ATP2C2: variants seen among roughly 807,000 people sequenced by gnomAD.
ATP2C2 encodes the protein ATPase secretory pathway Ca2+ transporting 2.
A neutral mutation model predicts 110.8 loss-of-function variants in ATP2C2; 171 were observed. That is an observed-to-expected ratio of 1.54 (90% CI 1.36 to 1.75). The LOEUF is 1.75. Ranked by LOEUF, ATP2C2 falls within the 40% of genes most tolerant of loss-of-function variation. ATP2C2 has a pLI of 0.00. For missense variants in ATP2C2, 1,963 were observed against 1,235.0 expected (o/e 1.59, Z -8.84); for synonymous variants, 804 against 508.4 (o/e 1.58, Z -7.82).
In ATP2C2 at chr16:84,461,735, A is replaced by C; in HGVS notation, c.2503A>C (p.Thr835Pro). The change falls in exon 25 of 27, where the codon ACT becomes CCT. Residue 835 changes from threonine (T) to proline (P), a missense_variant. Coordinates refer to ENST00000262429, the MANE Select transcript of ATP2C2 (RefSeq NM_014861.4). Reference sequence around the variant, plus strand: ...CCAGATGCCTGAAGACAGAGCAAGCACTCCCCGCACCACGACGATGACGTT... The same window carrying C: ...CCAGATGCCTGAAGACAGAGCAAGCCCTCCCCGCACCACGACGATGACGTT... Reference protein sequence around the residue: ...WKEMPEDRASTPRTTTMTFTC... With the variant: ...WKEMPEDRASPPRTTTMTFTC... The C allele has an allele frequency of 1.2e-6, 2 of 1,613,714 alleles. No homozygotes were observed. Among genetic ancestry groups the C allele is most frequent in the South Asian group, 1.1e-5 (1 of 91,056 alleles).
chr16:84,444,771 C>G (rs909472570), intron 15 of ATP2C2, among the ~76,000 whole-genome samples: 1 of 152,140 alleles, frequency 6.6e-6, no homozygotes, highest in Admixed American at 6.5e-5. Flanking sequence ...TTTCCTTTTT[C>G]CTGGGGCCTG....
In ATP2C2 at chr16:84,422,706, C is replaced by T. The variant is rs1415899217; in HGVS notation, c.843+9C>T. The T allele has an allele frequency of 8.1e-6, 13 of 1,601,658 alleles. No homozygotes were observed. The highest frequency in any genetic ancestry group is 5.4e-5 in the African/African-American group (4 of 74,014). Reference sequence around the variant, plus strand: ...TGATGCAGGCTGAAGAGGTAAGGGGCAGGAGGGGGCTTCGGGACTTTTGTA... The same window carrying T: ...TGATGCAGGCTGAAGAGGTAAGGGGTAGGAGGGGGCTTCGGGACTTTTGTA... On this transcript the variant is annotated intron_variant, in intron 9 of 26. Coordinates refer to ENST00000262429, the MANE Select transcript of ATP2C2 (RefSeq NM_014861.4).
chr16:84,416,102 AGGCGGAGGTTGCAGTGAGCC>A (rs1284851749), intron 7 of ATP2C2, among the ~76,000 whole-genome samples: 1 of 152,176 alleles, frequency 6.6e-6, no homozygotes, highest in African/African-American at 2.4e-5. Flanking sequence ...TGAACCCGGG[AGGCGGAGGTTGCAGTGAGCC>A]GAGACCACGC....
intron 2 of ATP2C2, among the ~76,000 whole-genome samples, 164 bp downstream of exon 2, chr16:84,398,773 A>G (rs1369484234): frequency 1.3e-5 from 2 of 152,248 alleles, no homozygotes; most frequent in Admixed American, 6.5e-5. Context: ...TTCCACAGGT[A>G]GAATATCAGT....
chr16:84,396,149 G>A (rs943428573), intron 1 of ATP2C2, among the ~76,000 whole-genome samples: 71 of 152,084 alleles, frequency 4.7e-4, no homozygotes, highest in African/African-American at 1.5e-3. Flanking sequence ...TGGGTTTTGG[G>A]CAGTCACATT....
In ATP2C2 at chr16:84,446,436, A is replaced by T. The variant is rs773167187; in HGVS notation, c.1503+6A>T. On this transcript the variant is annotated splice_donor_region_variant and intron_variant, in intron 16 of 26. Transcript: ENST00000262429. ...AATGCAGTCTGAAGACTGAGGTGAG[A>T]CCTTTCAATCTTCAACCTCTTCTCT... is the stretch of plus-strand genomic sequence containing the variant. The T allele has an allele frequency of 3.2e-5, 51 of 1,571,692 alleles. No homozygotes were observed. Among genetic ancestry groups the T allele is most frequent in the Non-Finnish European group, 4.4e-5 (51 of 1,158,986 alleles).
chr16:84,461,591 T>G (rs1911342622), intron 24 of ATP2C2, 123 bp from the exon 25 acceptor site: 1 of 850,724 alleles, frequency 1.2e-6, no homozygotes, highest in Non-Finnish European at 2.0e-6. Flanking sequence ...TGTGACCGAT[T>G]CATGAGCTTG....
At chr16:84,391,065 G>A (rs1404030872) in intron 1 of ATP2C2, among the ~76,000 whole-genome samples, 4 of 123,654 alleles carry the variant, frequency 3.2e-5, no homozygotes, top group African/African-American at 1.2e-4. Context: ...AGTGAGCCGA[G>A]ATCACACTGC....
Position 84,459,120 on chromosome 16 carries a change from G to A in ATP2C2, c.2148G>A (p.Met716Ile). The change falls in exon 22 of 27, where the codon ATG becomes ATA. Residue 716 changes from methionine to isoleucine, a missense_variant and splice_region_variant. Met to Ile is a conservative substitution (Grantham distance 10). Coordinates refer to ENST00000262429, the MANE Select transcript of ATP2C2 (RefSeq NM_014861.4). ...AGTAAATGGCTCTCTTCTCTTGCAG[G>A]AATGCAGTGGAGGAAGGCAAGGGTA... is the stretch of plus-strand genomic sequence containing the variant. ...ILVDDDFSAI[M>I]NAVEEGKGIF... 6.2e-7 allele frequency: 1 copy of A among 1,614,144 alleles called. No individual in the cohort carries two copies. Among genetic ancestry groups the A allele is most frequent in the Non-Finnish European group, 8.5e-7 (1 of 1,180,050 alleles).
chr16:84,459,480 G>T, intron 23 of ATP2C2, 94 bp downstream of exon 23: 1 of 1,597,220 alleles, frequency 6.3e-7, no homozygotes, highest in South Asian at 1.1e-5. Flanking sequence ...CTATAGGGAT[G>T]AACAAATACA....
intron 11 of ATP2C2, among the ~76,000 whole-genome samples, chr16:84,432,635 C>G (rs182092105): frequency 1.3e-5 from 2 of 152,106 alleles, no homozygotes; most frequent in Non-Finnish European, 2.9e-5. Context: ...ATTCTCCTGC[C>G]TCAGCCTCCC....
intron 23 of ATP2C2, chr16:84,460,245 C>A: frequency 3.8e-6 from 1 of 264,562 alleles, no homozygotes; most frequent in Non-Finnish European, 7.4e-6. Context: ...CGGGTCTAGC[C>A]TCAACCCTGC....
Position 84,410,599 on chromosome 16 carries a change from T to G in ATP2C2, c.449T>G (p.Ile150Ser), listed in dbSNP as rs1906189379. The G allele has an allele frequency of 6.2e-7, 1 of 1,614,004 alleles. No individual in the cohort carries two copies. The highest frequency in any genetic ancestry group is 1.7e-5 in the Admixed American group (1 of 59,994). The change falls in exon 5 of 27, where the codon ATC becomes AGC. Residue 150 changes from isoleucine to serine, a missense_variant. Ile to Ser is a moderately radical substitution (Grantham distance 142, BLOSUM62 -2). Coordinates refer to ENST00000262429, the MANE Select transcript of ATP2C2 (RefSeq NM_014861.4). Reference sequence around the variant, plus strand: ...CTTGTCGTGGTCACTGTCGCCTTCATCCAGGTGAGTATTTCCTGAGGTCCC... The same window carrying G: ...CTTGTCGTGGTCACTGTCGCCTTCAGCCAGGTGAGTATTTCCTGAGGTCCC... The part of the protein sequence containing the change: ...AVLVVVTVAF[I>S]QEYRSEKSLE...
At chr16:84,447,462 T>G (rs1909854082) in intron 16 of ATP2C2, among the ~76,000 whole-genome samples, 2 of 152,000 alleles carry the variant, frequency 1.3e-5, no homozygotes, top group South Asian at 2.1e-4. Context: ...AATTCTATTT[T>G]AAGTCTGGGA....
chr16:84,398,716 T>A, intron 2 of ATP2C2, 107 bp downstream of exon 2: 1 of 866,030 alleles, frequency 1.2e-6, no homozygotes, highest in Non-Finnish European at 1.7e-6. Flanking sequence ...TTATTATCAA[T>A]TTTATCATCA....
intron 3 of ATP2C2, 75 bp downstream of exon 3, chr16:84,405,319 A>T (rs922894671): frequency 3.9e-6 from 5 of 1,278,386 alleles, no homozygotes; most frequent in Admixed American, 1.9e-5. Flanking sequence ...CCATCTTTCA[A>T]TGTTGATGGA....
At chr16:84,444,903 A>C (rs2150573436) in intron 15 of ATP2C2, among the ~76,000 whole-genome samples, 1 of 152,324 alleles carries the variant, frequency 6.6e-6, no homozygotes, top group South Asian at 2.1e-4. Flanking sequence ...AATGGCACTG[A>C]GGCCAGGCCA....
chr16:84,418,282 A>G (rs547424558), intron 7 of ATP2C2, among the ~76,000 whole-genome samples: 1 of 152,022 alleles, frequency 6.6e-6, no homozygotes, highest in South Asian at 2.1e-4. Flanking sequence ...CTTGGTGGCT[A>G]TGGGTTCTGT....
intron 1 of ATP2C2, among the ~76,000 whole-genome samples, chr16:84,386,128 G>A (rs1189593050): frequency 1.3e-5 from 2 of 152,024 alleles, no homozygotes; most frequent in Non-Finnish European, 1.5e-5. Flanking sequence ...CCTTGGCCCT[G>A]GAAAAAGCCA....
Sources: gnomAD v4.1 joint callset for allele counts (sites outside exome capture counted in the v4.1 genomes callset) on GRCh38, gnomAD v4.1.1 for gene constraint, MANE v1.5 for transcripts, NCBI Gene and HGNC (gene_info 2026-07-23, HGNC 2026-07-21) for gene names.